The following CDKAL1 variants were observed in gnomAD, a reference collection of about 807,000 sequenced individuals.
CDKAL1 encodes threonylcarbamoyladenosine tRNA methylthiotransferase.
In CDKAL1, 32 loss-of-function variants were observed where a neutral mutation model predicts 68.2. The observed-to-expected ratio is 0.47, with a 90% CI of 0.35 to 0.63. The LOEUF (loss-of-function observed/expected upper bound fraction) is 0.63. Among genes scored for constraint, CDKAL1 ranks in the 30% least tolerant of loss-of-function variants. CDKAL1 has a pLI of 0.00. For synonymous variants in CDKAL1, 234 were observed against 244.3 expected (o/e 0.96, Z 0.39); for missense variants, 606 against 696.7 (o/e 0.87, Z 1.47).
chr6:20,719,509 T>A (rs1772247991), intron 5 of CDKAL1, among the ~76,000 whole-genome samples: 1 of 152,206 alleles, frequency 6.6e-6, no homozygotes. Context: ...GGTTCTGAGA[T>A]ACATAGGAAG....
chr6:21,032,989 G>T (rs1769381199), intron 11 of CDKAL1, among the ~76,000 whole-genome samples: 1 of 152,196 alleles, frequency 6.6e-6, no homozygotes, highest in African/African-American at 2.4e-5. Context: ...CATTTGGCTA[G>T]ATAGGAGAGA....
intron 12 of CDKAL1, among the ~76,000 whole-genome samples, chr6:21,089,081 C>T (rs941193858): frequency 6.6e-6 from 1 of 152,208 alleles, no homozygotes; most frequent in Admixed American, 6.5e-5. Context: ...GCATTTACTT[C>T]CCTTGATTTT....
intron 9 of CDKAL1, among the ~76,000 whole-genome samples, chr6:20,874,488 A>T (rs1760393291): frequency 6.6e-6 from 1 of 150,766 alleles, no homozygotes; most frequent in Admixed American, 6.6e-5. Flanking sequence ...TTGTATTTTT[A>T]TTTTATTTAT....
chr6:20,914,772 A>AT (rs1762645499), intron 9 of CDKAL1, among the ~76,000 whole-genome samples: 1 of 152,210 alleles, frequency 6.6e-6, no homozygotes, highest in Non-Finnish European at 1.5e-5. Flanking sequence ...CTCCCCTAAG[A>AT]AGCTCTGTAG....
At chr6:20,676,717 TAA>T (rs150618463) in intron 5 of CDKAL1, among the ~76,000 whole-genome samples, 14 of 127,266 alleles carry the variant, frequency 1.1e-4, no homozygotes, top group African/African-American at 6.2e-4. Flanking sequence ...TAAAATAAAA[TAA>T]AAAAGTCTTT....
chr6:20,840,905 C>T (rs1184370728), intron 8 of CDKAL1, among the ~76,000 whole-genome samples: 1 of 152,182 alleles, frequency 6.6e-6, no homozygotes, highest in Non-Finnish European at 1.5e-5. Context: ...GTTTTTTCTT[C>T]ACTTGATGGT....
chr6:21,092,653 C>A (rs1376198623), intron 12 of CDKAL1, among the ~76,000 whole-genome samples: 1 of 145,382 alleles, frequency 6.9e-6, no homozygotes, highest in Non-Finnish European at 1.5e-5. Flanking sequence ...AGGACAGGAC[C>A]AAAGCAAACA....
chr6:20,673,166 A>T (rs565515957), intron 5 of CDKAL1, among the ~76,000 whole-genome samples: 1 of 152,204 alleles, frequency 6.6e-6, no homozygotes, highest in Non-Finnish European at 1.5e-5. Flanking sequence ...ATGGCTTCAC[A>T]TTTATTCAGC....
At chr6:20,757,492 C>A (rs1049080316) in intron 6 of CDKAL1, among the ~76,000 whole-genome samples, 2 of 152,060 alleles carry the variant, frequency 1.3e-5, no homozygotes, top group African/African-American at 4.8e-5. Flanking sequence ...GACCCCGGGA[C>A]CTCACTGTGT....
chr6:21,012,920 T>C (rs922424027), intron 11 of CDKAL1, among the ~76,000 whole-genome samples: 3 of 152,214 alleles, frequency 2.0e-5, no homozygotes, highest in African/African-American at 7.2e-5. Flanking sequence ...CCTCACAAAC[T>C]TAGTAGCCTT....
At chr6:20,859,279 G>GA (rs1481953639) in intron 9 of CDKAL1, among the ~76,000 whole-genome samples, 2 of 148,600 alleles carry the variant, frequency 1.3e-5, no homozygotes, top group Non-Finnish European at 3.0e-5. Flanking sequence ...TCCTGACTCA[G>GA]AAAAAATAAA....
At chr6:21,014,769 G>C (rs1319829886) in intron 11 of CDKAL1, among the ~76,000 whole-genome samples, 2 of 152,036 alleles carry the variant, frequency 1.3e-5, no homozygotes, top group Non-Finnish European at 2.9e-5. Flanking sequence ...GTTCTCATAT[G>C]GTGACAAAGT....
intron 15 of CDKAL1, among the ~76,000 whole-genome samples, chr6:21,209,555 C>T (rs564822703): frequency 1.3e-5 from 2 of 152,122 alleles, no homozygotes; most frequent in African/African-American, 4.8e-5. Flanking sequence ...CAATTGTGAC[C>T]CTGGTAGGGA....
chr6:20,936,542 G>A (rs1470985401), intron 9 of CDKAL1, among the ~76,000 whole-genome samples: 3 of 151,708 alleles, frequency 2.0e-5, no homozygotes, highest in East Asian at 1.9e-4. Context: ...GAGCCACCGC[G>A]CCCGGCCCAT....
At chr6:21,220,132 G>A (rs1034114774) in intron 15 of CDKAL1, among the ~76,000 whole-genome samples, 1 of 152,102 alleles carries the variant, frequency 6.6e-6, no homozygotes, top group African/African-American at 2.4e-5. Flanking sequence ...TGAATGTTGG[G>A]ATTACAGGCT....
chr6:20,764,638 T>C (rs1774614229), intron 7 of CDKAL1, among the ~76,000 whole-genome samples: 1 of 152,166 alleles, frequency 6.6e-6, no homozygotes, highest in Non-Finnish European at 1.5e-5. Context: ...GTTTGATCAG[T>C]GTGAGTGACT....
intron 13 of CDKAL1, among the ~76,000 whole-genome samples, chr6:21,178,776 G>C (rs989084933): frequency 7.2e-5 from 11 of 152,206 alleles, no homozygotes; most frequent in Non-Finnish European, 1.6e-4. Flanking sequence ...GCTCTCATTT[G>C]TTAAATGAAC....
intron 5 of CDKAL1, among the ~76,000 whole-genome samples, chr6:20,690,485 T>G (rs1393439050): frequency 6.6e-6 from 1 of 152,166 alleles, no homozygotes; most frequent in Non-Finnish European, 1.5e-5. Flanking sequence ...AGATATCCAT[T>G]AGCCTTACTA....
chr6:20,878,223 C>T (rs1417883150), intron 9 of CDKAL1, among the ~76,000 whole-genome samples: 1 of 152,112 alleles, frequency 6.6e-6, no homozygotes, highest in Non-Finnish European at 1.5e-5. Flanking sequence ...TACAGATTCT[C>T]AGTAAAATTT....
Sources: allele counts gnomAD v4.1 joint callset (sites outside exome capture counted in the v4.1 genomes callset), GRCh38; gene constraint gnomAD v4.1.1; transcripts MANE v1.5; gene names NCBI Gene and HGNC (gene_info 2026-07-23, HGNC 2026-07-21).